DNAJC13: variants seen among roughly 807,000 people sequenced by gnomAD.
The protein encoded by DNAJC13 is DnaJ heat shock protein family (Hsp40) member C13.
Under a neutral mutation model 290.5 loss-of-function variants are expected in DNAJC13, and 75 were observed. The ratio of observed to expected loss-of-function variants is 0.26; its 90% CI spans 0.21 to 0.31. The LOEUF (loss-of-function observed/expected upper bound fraction) is 0.31, where lower values mean the gene tolerates loss of function less well. DNAJC13 is among the 10% of genes least tolerant of loss of function. The probability of loss-of-function intolerance (pLI) is 1.00; values close to 1 mark genes in which losing one functional copy is unlikely to be tolerated. For synonymous variants in DNAJC13, 862 were observed against 892.0 expected (o/e 0.97, Z 0.60); for missense variants, 2,260 against 2,674.5 (o/e 0.85, Z 3.42).
chr3:132,439,422 ACTGAGGGGTTTT>A, intron 2 of DNAJC13, among the ~76,000 whole-genome samples: 1 of 150,782 alleles, frequency 6.6e-6, no homozygotes, highest in Non-Finnish European at 1.5e-5. Context: ...CTCCAGGAAT[ACTGAGGGGTTTT>A]TTTTGTTTTT....
Position 132,466,084 on chromosome 3 carries a change from GAAATT to G in DNAJC13, c.1968+16_1968+20del. ...AAACGCATTTTGGTAAGTCAGTTGA[GAAATT>G]AGGTTATATACTGCCTAATAAAATT... On this transcript the variant is annotated intron_variant, in intron 18 of 55. Transcript: ENST00000260818. The G allele has an allele frequency of 6.2e-7, 1 of 1,605,966 alleles. No homozygotes were observed. Among genetic ancestry groups the G allele is most frequent in the Non-Finnish European group, 8.5e-7 (1 of 1,172,794 alleles).
intron 20 of DNAJC13, among the ~76,000 whole-genome samples, chr3:132,471,529 C>T (rs1243536725): frequency 1.5e-5 from 2 of 130,646 alleles, no homozygotes; most frequent in African/African-American, 2.9e-5. Context: ...ACTTCTCAGA[C>T]GGGGCGGCCG....
At chr3:132,473,007 T>C in intron 20 of DNAJC13, 138 bp from the exon 21 acceptor site, 2 of 639,914 alleles carry the variant, frequency 3.1e-6, no homozygotes, top group Non-Finnish European at 5.5e-6. Context: ...TTTATAGATT[T>C]TATTTATTCC....
chr3:132,499,225 T>TG lies in DNAJC13; in HGVS notation c.4257dup (p.Pro1420AlafsTer19). 1 of 1,614,064 alleles carries TG rather than the reference T, an allele frequency of 6.2e-7. No homozygotes were observed. Among genetic ancestry groups the TG allele is most frequent in the Non-Finnish European group, 8.5e-7 (1 of 1,179,906 alleles). ...CTTTTCTCAAAAGAATCACCATTGT[T>TG]GCCTGCGGCTACAGAGCTAGCTTTC... On this transcript the variant is annotated frameshift_variant, in exon 37 of 56. Transcript: ENST00000260818. LOFTEE classifies it high-confidence loss of function.
intron 9 of DNAJC13, among the ~76,000 whole-genome samples, chr3:132,454,507 T>C (rs1933527217): frequency 6.6e-6 from 1 of 151,690 alleles, no homozygotes; most frequent in African/African-American, 2.4e-5. Flanking sequence ...TTTTTTTCTT[T>C]TTTTGTATTT....
intron 1 of DNAJC13, among the ~76,000 whole-genome samples, chr3:132,421,616 A>G (rs1458293212): frequency 1.4e-5 from 2 of 145,440 alleles, no homozygotes; most frequent in East Asian, 2.0e-4. Context: ...TTTTTTCTGT[A>G]TTTTTAGGAG....
chr3:132,501,744 A>G (rs1935424196), intron 39 of DNAJC13, among the ~76,000 whole-genome samples: 1 of 152,170 alleles, frequency 6.6e-6, no homozygotes, highest in African/African-American at 2.4e-5. Flanking sequence ...AGGGAGAGAG[A>G]AATGTCTTAA....
chr3:132,488,062 T>C (rs1477152729), intron 29 of DNAJC13, among the ~76,000 whole-genome samples: 1 of 152,140 alleles, frequency 6.6e-6, no homozygotes, highest in Non-Finnish European at 1.5e-5. Context: ...TCAGGCATGT[T>C]TGGGCTTTTC....
chr3:132,504,040 G>T (rs1262405219), intron 41 of DNAJC13, among the ~76,000 whole-genome samples: 14 of 150,714 alleles, frequency 9.3e-5, no homozygotes, highest in Non-Finnish European at 1.3e-4. Context: ...CCTATTTTTG[G>T]TATAACAAAA....
chr3:132,435,777 T>G (rs1939369515), intron 2 of DNAJC13, among the ~76,000 whole-genome samples: 1 of 152,182 alleles, frequency 6.6e-6, no homozygotes, highest in Non-Finnish European at 1.5e-5. Flanking sequence ...AGTGGTAGAT[T>G]ACTTTGGTCA....
Position 132,507,013 on chromosome 3 carries a change from C to T in DNAJC13, c.4999-224C>T, listed in dbSNP as rs148879868. Among the ~76,000 whole-genome samples the T allele has an allele frequency of 1.2e-3, 177 of 152,128 alleles. 1 individual carries two copies. Among genetic ancestry groups the T allele is most frequent in the African/African-American group, 4.1e-3 (171 of 41,508 alleles). On this transcript the variant is annotated intron_variant, in intron 42 of 55. Transcript: ENST00000260818. ...AGACCTTTGTTAGCTGACCTCTGATCCTTTGAAATTTTAAAATGAGTTAAT... is the reference window on the plus strand; with the variant it reads ...AGACCTTTGTTAGCTGACCTCTGATTCTTTGAAATTTTAAAATGAGTTAAT...
intron 5 of DNAJC13, among the ~76,000 whole-genome samples, chr3:132,449,128 A>G (rs1030216601): frequency 2.0e-5 from 3 of 152,166 alleles, no homozygotes; most frequent in African/African-American, 7.2e-5. Flanking sequence ...TCAAAGTGAC[A>G]CCTGTATTGT....
At position 132,496,663 on chromosome 3, in the gene DNAJC13, G is replaced by T. The variant is rs775866155; in HGVS notation, c.4156G>T (p.Asp1386Tyr). 1 of 1,598,980 alleles carries T rather than the reference G, an allele frequency of 6.3e-7. No individual in the cohort carries two copies. The highest frequency in any genetic ancestry group is 8.5e-7 in the Non-Finnish European group (1 of 1,173,896). Residue 1386 changes from aspartate to tyrosine, a missense_variant and splice_region_variant, in exon 36 of 56, where the codon GAT (aspartate) becomes TAT (tyrosine). By Grantham distance (160) the Asp-to-Tyr change is radical. Coordinates refer to ENST00000260818, the MANE Select transcript of DNAJC13 (RefSeq NM_015268.4). ...QSILFNRHKE[D>Y]LQPYKYAGYP... The stretch of plus-strand genomic sequence containing the variant: ...CATCCTCTTCAACCGTCATAAAGAA[G>T]GTAAGATGTCTGTTCTCAGATTTTA...
chr3:132,450,857 ATTTT>A lies in DNAJC13; in HGVS notation c.537+11_537+14del, dbSNP rs774305258. 12 of 1,411,584 alleles carry A rather than the reference ATTTT, an allele frequency of 8.5e-6. No individual in the cohort carries two copies. The Admixed American group carries it at 2.6e-4, about 31-fold the overall frequency. The allele number at this position is 1,411,584 out of a possible 1,614,324, so 87.4% of individuals were successfully genotyped here. A position where few individuals can be genotyped will look rare whatever the true frequency, so the allele number is the denominator to read the frequency against. On this transcript the variant is annotated intron_variant, in intron 6 of 55. Coordinates refer to ENST00000260818, the MANE Select transcript of DNAJC13 (RefSeq NM_015268.4). The stretch of plus-strand genomic sequence containing the variant: ...AGGATTTAGTAGATTGGTAAGTACT[ATTTT>A]AAAAAAAAAAAACACTTTAAAAGGG...
chr3:132,521,077 T>C (rs182001396), intron 48 of DNAJC13, among the ~76,000 whole-genome samples: 1 of 152,148 alleles, frequency 6.6e-6, no homozygotes, highest in Non-Finnish European at 1.5e-5. Flanking sequence ...CAGCTAAGTA[T>C]GTTTCAGAAG....
chr3:132,459,538 A>G (rs969154005), intron 13 of DNAJC13, among the ~76,000 whole-genome samples: 1 of 152,164 alleles, frequency 6.6e-6, no homozygotes, highest in African/African-American at 2.4e-5. Context: ...GCTTAATGCC[A>G]CTGAACAGTG....
Position 132,494,370 on chromosome 3 carries a change from A to G in DNAJC13, c.3941+111A>G. On this transcript the variant is annotated intron_variant, in intron 34 of 55. Coordinates refer to ENST00000260818, the MANE Select transcript of DNAJC13 (RefSeq NM_015268.4). ...TTTAAAATCTTTTGCCTATACTTTGATATATACACCTTGGGAATAACCATA... is the reference window on the plus strand; with the variant it reads ...TTTAAAATCTTTTGCCTATACTTTGGTATATACACCTTGGGAATAACCATA... 4 of 820,816 alleles carry G rather than the reference A, an allele frequency of 4.9e-6. No individual in the cohort carries two copies. In the East Asian group the frequency reaches 1.0e-4, roughly 21 times the overall value. The allele number at this position is 820,816 out of a possible 1,614,324, so 50.8% of individuals were successfully genotyped here.
In DNAJC13 at chr3:132,532,974, G is replaced by T. The variant is rs556297257; in HGVS notation, c.6625+1877G>T. On this transcript the variant is annotated intron_variant, in intron 55 of 55. Transcript: ENST00000260818. ...GAATTTTGCCATGTTAGCTATGCTGGTCTCAAACTCCTGACCTCAGGTGAT... is the reference window on the plus strand; with the variant it reads ...GAATTTTGCCATGTTAGCTATGCTGTTCTCAAACTCCTGACCTCAGGTGAT... 4.8e-5 allele frequency among the ~76,000 whole-genome samples: 7 copies of T among 145,068 alleles called. No individual in the cohort carries two copies. The South Asian group carries it at 1.5e-3, about 32-fold the overall frequency.
chr3:132,493,149 G>A (rs9833058), intron 33 of DNAJC13, among the ~76,000 whole-genome samples: 34,180 of 151,398 alleles, frequency 0.23, 3,994 homozygotes, highest in South Asian at 0.32. Context: ...TTCCTGGCAC[G>A]CGTAAGAGGC....
Sources: gnomAD v4.1 joint callset for allele counts (sites outside exome capture counted in the v4.1 genomes callset) on GRCh38, gnomAD v4.1.1 for gene constraint, MANE v1.5 for transcripts, NCBI Gene and HGNC (gene_info 2026-07-23, HGNC 2026-07-21) for gene names.